The following ZWILCH variants were observed in gnomAD, a reference collection of about 807,000 sequenced individuals.
The protein encoded by ZWILCH is zwilch kinetochore protein.
ZWILCH carries 74 observed loss-of-function variants against 79.9 expected under a neutral mutation model. The observed-to-expected ratio is 0.93, with a 90% confidence interval of 0.77 to 1.12. The LOEUF is 1.12. ZWILCH is among the 50% of genes most tolerant of loss of function. The probability of loss-of-function intolerance (pLI) is 0.00; values close to 1 mark genes in which losing one functional copy is unlikely to be tolerated. For missense variants in ZWILCH, 694 were observed against 687.5 expected, an observed-to-expected ratio of 1.01 and a Z score of -0.11; for synonymous variants, 241 against 228.2, an observed-to-expected ratio of 1.06 and a Z score of -0.51.
chr15:66,544,724 T>TTTGTGTG (rs145952622), intron 17 of ZWILCH, among the ~76,000 whole-genome samples: 5 of 128,544 alleles, frequency 3.9e-5, no homozygotes, highest in African/African-American at 1.5e-4. Flanking sequence ...TTTTTGGTTT[T>TTTGTGTG]TGTGTGTGTG....
chr15:66,545,071 G>A (rs1310691645), intron 17 of ZWILCH, among the ~76,000 whole-genome samples: 1 of 143,976 alleles, frequency 6.9e-6, no homozygotes, highest in East Asian at 2.2e-4. Context: ...AGTAAATTTT[G>A]GCCAGTTGTG....
In ZWILCH at chr15:66,529,510, A is replaced by G. The variant is rs941880754; in HGVS notation, c.1092A>G (p.Gln364=). The change falls in exon 12 of 19, where the codon CAA becomes CAG. Residue 364 remains glutamine, a synonymous_variant. Transcript: ENST00000307897. ...CKMSSSVISY[Q]DLVKCFTLII... ...TTTTCCAAGGTGTGATTTCATACCA[A>G]GACTTGGTGAAGTGTTTCACATTGA... 6.2e-7 allele frequency: 1 copy of G among 1,613,986 alleles called. No homozygotes were observed. The highest frequency in any genetic ancestry group is 1.3e-5 in the African/African-American group (1 of 75,044).
chr15:66,548,616 A>C lies in ZWILCH; in HGVS notation c.*292A>C, dbSNP rs768424509. 1.2e-4 allele frequency: 161 copies of C among 1,379,072 alleles called. 1 individual carries two copies. The highest frequency in any genetic ancestry group is 1.6e-4 in the Non-Finnish European group (151 of 966,324). The allele number at this position is 1,379,072 out of a possible 1,614,324, so 85.4% of individuals were successfully genotyped here. Reference sequence around the variant, plus strand: ...GACTTAGCAAGGGCTCTGAAATGACAAAGAGAACGAGCACCACAAATGAGA... The same window carrying C: ...GACTTAGCAAGGGCTCTGAAATGACCAAGAGAACGAGCACCACAAATGAGA... On this transcript the variant is annotated 3_prime_UTR_variant, in exon 19 of 19. Coordinates refer to ENST00000307897, the MANE Select transcript of ZWILCH (RefSeq NM_017975.5).
At chr15:66,543,216 A>G (rs1895250267) in intron 17 of ZWILCH, among the ~76,000 whole-genome samples, 1 of 152,230 alleles carries the variant, frequency 6.6e-6, no homozygotes, top group African/African-American at 2.4e-5. Flanking sequence ...AAATAAATAA[A>G]TAAATACATT....
chr15:66,532,463 A>G, intron 13 of ZWILCH, 60 bp downstream of exon 13: 1 of 1,462,164 alleles, frequency 6.8e-7, no homozygotes, highest in Non-Finnish European at 9.2e-7. Flanking sequence ...AGTCACAGAT[A>G]TTCTCGGATT....
At chr15:66,508,735 C>T in intron 1 of ZWILCH, 106 bp from the exon 2 acceptor site, 10 of 1,505,214 alleles carry the variant, frequency 6.6e-6, no homozygotes, top group Admixed American at 2.3e-5. Flanking sequence ...TGCTTTTTGC[C>T]TTTCCTATAG....
At chr15:66,506,096 T>C (rs1238171389) in intron 1 of ZWILCH, among the ~76,000 whole-genome samples, 1 of 152,238 alleles carries the variant, frequency 6.6e-6, no homozygotes, top group Non-Finnish European at 1.5e-5. Context: ...TGATAAATGC[T>C]AGGTGTAACG....
chr15:66,508,752 T>G (rs1441792879), intron 1 of ZWILCH, 89 bp from the exon 2 acceptor site: 12 of 1,579,802 alleles, frequency 7.6e-6, no homozygotes, highest in Non-Finnish European at 1.0e-5. Flanking sequence ...ATAGGTGTCC[T>G]GCAGAGATAA....
rs767252094 is a variant in ZWILCH, at chr15:66,523,756, T to C, written c.819+8T>C. 6.3e-7 allele frequency: 1 copy of C among 1,593,478 alleles called. No individual in the cohort carries two copies. The highest frequency in any genetic ancestry group is 1.7e-5 in the Admixed American group (1 of 59,372). ...GAACTGAAATTTCTTCTTGTGAGTA[T>C]CCTTCTAGAATTCCTTTCCTTAAAT... On this transcript the variant is annotated splice_region_variant and intron_variant, in intron 8 of 18. Coordinates refer to ENST00000307897, the MANE Select transcript of ZWILCH (RefSeq NM_017975.5).
intron 1 of ZWILCH, among the ~76,000 whole-genome samples, chr15:66,506,394 C>T (rs1176426210): frequency 1.3e-5 from 2 of 152,114 alleles, no homozygotes; most frequent in Admixed American, 1.3e-4. Context: ...TAAGGCCGGG[C>T]GCGATGGTTC....
At chr15:66,512,104 C>T (rs746197032) in intron 2 of ZWILCH, among the ~76,000 whole-genome samples, 3 of 152,056 alleles carry the variant, frequency 2.0e-5, no homozygotes, top group East Asian at 1.9e-4. Flanking sequence ...ACTAAAATAT[C>T]ATATAATATG....
intron 4 of ZWILCH, 75 bp from the exon 5 acceptor site, chr15:66,518,804 C>T (rs1894382113): frequency 2.9e-6 from 4 of 1,383,524 alleles, no homozygotes; most frequent in Admixed American, 1.8e-5. Context: ...GAGTGAGACC[C>T]TGTCTCTCAG....
chr15:66,529,363 T>A (rs1894789987), intron 11 of ZWILCH, 131 bp from the exon 12 acceptor site: 1 of 539,062 alleles, frequency 1.9e-6, no homozygotes. Flanking sequence ...CACTTTAATT[T>A]CTTTCCCTTT....
intron 4 of ZWILCH, 126 bp from the exon 5 acceptor site, chr15:66,518,753 G>T: frequency 1.2e-6 from 1 of 843,660 alleles, no homozygotes; most frequent in Non-Finnish European, 1.9e-6. Context: ...CAAGGCTGTA[G>T]TGAGCTATGA....
At chr15:66,530,583 G>C (rs950525266) in intron 12 of ZWILCH, among the ~76,000 whole-genome samples, 1 of 152,166 alleles carries the variant, frequency 6.6e-6, no homozygotes, top group Admixed American at 6.6e-5. Context: ...GTGGCAGTGA[G>C]CTGAGATTGC....
intron 5 of ZWILCH, among the ~76,000 whole-genome samples, chr15:66,520,182 G>A (rs1055437363): frequency 2.0e-5 from 3 of 151,932 alleles, no homozygotes; most frequent in Non-Finnish European, 4.4e-5. Context: ...GTGCAGTGGC[G>A]CAATCATGGC....
chr15:66,512,826 T>TG (rs1894117790), intron 2 of ZWILCH, among the ~76,000 whole-genome samples: 2 of 151,782 alleles, frequency 1.3e-5, no homozygotes, highest in Non-Finnish European at 2.9e-5. Flanking sequence ...GATGGAGTCT[T>TG]GCTCTGTTGC....
chr15:66,514,262 AT>A, intron 3 of ZWILCH, 179 bp downstream of exon 3: 1 of 369,606 alleles, frequency 2.7e-6, no homozygotes, highest in Middle Eastern at 7.7e-4. Flanking sequence ...GCAATTTAAC[AT>A]TTTCTTGTAG....
chr15:66,508,636 TTTTTGGTTCTCTTTTCTTCTTA>T (rs1893914693), intron 1 of ZWILCH, 183 bp from the exon 2 acceptor site: 5 of 1,050,094 alleles, frequency 4.8e-6, no homozygotes, highest in Non-Finnish European at 6.3e-6. Context: ...ACAGTTTTCT[TTTTTGGTTCTCTTTTCTTCTTA>T]ACCTAATGCT....
Sources: allele counts gnomAD v4.1 joint callset (sites outside exome capture counted in the v4.1 genomes callset), GRCh38; gene constraint gnomAD v4.1.1; transcripts MANE v1.5; gene names NCBI Gene and HGNC (gene_info 2026-07-23, HGNC 2026-07-21).